The following ARSG variants were observed in gnomAD, a reference collection of about 807,000 sequenced individuals.
The protein encoded by ARSG is ASG.
In ARSG, 37 loss-of-function variants were observed where a neutral mutation model predicts 50.5. The ratio of observed to expected loss-of-function variants is 0.73; its 90% CI spans 0.56 to 0.96. The LOEUF (loss-of-function observed/expected upper bound fraction) is 0.96, where lower values mean the gene tolerates loss of function less well. ARSG is among the 50% of genes least tolerant of loss of function. The pLI, the probability that ARSG is intolerant of heterozygous loss-of-function variation, is 0.00. For synonymous variants in ARSG, 225 were observed against 254.6 expected, an observed-to-expected ratio of 0.88 and a Z score of 1.11; for missense variants, 629 against 675.3, an observed-to-expected ratio of 0.93 and a Z score of 0.76.
chr17:68,356,177 T>C (rs11655154), intron 5 of ARSG, among the ~76,000 whole-genome samples: 1,612 of 152,332 alleles, frequency 0.011, 23 homozygotes, highest in South Asian at 0.049. Context: ...CCACTGCACC[T>C]GGCCCATCTT....
chr17:68,427,306 T>G, downstream of ARSG: 5 of 1,334,938 alleles, frequency 3.7e-6, no homozygotes, highest in Non-Finnish European at 5.4e-6. Context: ...ATCATATATC[T>G]AGGACACCTT....
chr17:68,446,468 T>A, the ARSG span, among the ~76,000 whole-genome samples: 1 of 152,120 alleles, frequency 6.6e-6, no homozygotes, highest in East Asian at 1.9e-4. Context: ...AAGCATGAGC[T>A]ACTGTGCCCA....
chr17:68,325,595 G>GT (rs2077473604), intron 2 of ARSG, among the ~76,000 whole-genome samples: 1 of 152,142 alleles, frequency 6.6e-6, no homozygotes, highest in Non-Finnish European at 1.5e-5. Flanking sequence ...CTCTCTGGTT[G>GT]TAAGTGACGG....
chr17:68,356,398 A>G (rs1289295173), intron 5 of ARSG, among the ~76,000 whole-genome samples: 2 of 152,214 alleles, frequency 1.3e-5, no homozygotes, highest in East Asian at 3.9e-4. Flanking sequence ...AAATGCAAGT[A>G]ATAAAAAATA....
intron 11 of ARSG, among the ~76,000 whole-genome samples, chr17:68,417,118 T>G (rs1017418809): frequency 2.0e-5 from 3 of 152,162 alleles, no homozygotes; most frequent in African/African-American, 7.2e-5. Context: ...TTATTAAGTC[T>G]TAGTAGTTTT....
chr17:68,345,851 A>G (rs2078477701), intron 3 of ARSG, among the ~76,000 whole-genome samples: 1 of 152,122 alleles, frequency 6.6e-6, no homozygotes, highest in South Asian at 2.1e-4. Flanking sequence ...CAAATATTTC[A>G]CATAATGCTT....
chr17:68,260,855 G>GA (rs778391512), intron 1 of ARSG, among the ~76,000 whole-genome samples: 66 of 150,794 alleles, frequency 4.4e-4, no homozygotes, highest in Non-Finnish European at 8.7e-4. Flanking sequence ...AAGCATTATG[G>GA]AAAAAAAAAG....
intron 9 of ARSG, among the ~76,000 whole-genome samples, chr17:68,385,557 CGAGGG>C (rs1303555866): frequency 2.5e-4 from 6 of 24,176 alleles, no homozygotes; most frequent in East Asian, 1.6e-3. Context: ...AGAGGGGAGG[CGAGGG>C]GAGGGGAGGG....
Position 68,277,265 on chromosome 17 carries a change from GGAT to G in ARSG, c.-552+17840_-552+17842del, listed in dbSNP as rs372823393. On this transcript the variant is annotated intron_variant, in intron 1 of 11. Coordinates refer to the ARSG transcript ENST00000448504. Reference sequence around the variant, plus strand: ...TCCTACCTCAGCCTCCTGAGTGCTGGGATTACAGGCACATACCACCATGCCCAG... The same window carrying G: ...TCCTACCTCAGCCTCCTGAGTGCTGGTACAGGCACATACCACCATGCCCAG... Among the ~76,000 whole-genome samples the G allele has an allele frequency of 3.5e-4, 53 of 151,584 alleles. No homozygotes were observed. In the South Asian group the frequency reaches 7.8e-3, roughly 22 times the overall value.
the ARSG span, among the ~76,000 whole-genome samples, chr17:68,437,507 T>C: frequency 6.6e-6 from 1 of 151,316 alleles, no homozygotes; most frequent in Admixed American, 6.6e-5. Flanking sequence ...TGAGTGAAGA[T>C]AGTGCCACTG....
chr17:68,293,637 A>G (rs898543883), intron 1 of ARSG, among the ~76,000 whole-genome samples: 4 of 152,206 alleles, frequency 2.6e-5, no homozygotes, highest in Non-Finnish European at 4.4e-5. Flanking sequence ...TGTTAACCGC[A>G]TCAGTAACCT....
chr17:68,366,045 T>C (rs1599897934), intron 6 of ARSG, among the ~76,000 whole-genome samples: 1 of 152,082 alleles, frequency 6.6e-6, no homozygotes, highest in African/African-American at 2.4e-5. Context: ...CAAGTGGTTC[T>C]CCCTGCCTCA....
intron 2 of ARSG, among the ~76,000 whole-genome samples, chr17:68,314,584 G>C (rs1392828808): frequency 6.6e-6 from 1 of 151,266 alleles, no homozygotes; most frequent in African/African-American, 2.4e-5. Flanking sequence ...TTGCACATCT[G>C]TGGTCCCAGC....
the ARSG span, among the ~76,000 whole-genome samples, chr17:68,430,702 G>A: frequency 6.6e-6 from 1 of 152,294 alleles, no homozygotes; most frequent in South Asian, 2.1e-4. Context: ...AAGGGACCTG[G>A]GATGTCGCCT....
chr17:68,403,161 T>C (rs1227532723), intron 11 of ARSG, among the ~76,000 whole-genome samples: 1 of 152,110 alleles, frequency 6.6e-6, no homozygotes, highest in African/African-American at 2.4e-5. Flanking sequence ...TAAAACTCAG[T>C]CAGATATTTG....
rs58760851 is a variant in ARSG at position 68,323,036 on chromosome 17, G to GCTCTCT, written c.218+15340_218+15345dup. 4.1e-5 allele frequency among the ~76,000 whole-genome samples: 6 copies of GCTCTCT among 147,560 alleles called. No homozygotes were observed. The East Asian group carries it at 9.9e-4, about 24-fold the overall frequency. On this transcript the variant is annotated intron_variant, in intron 2 of 11. Coordinates refer to ENST00000621439, the MANE Select transcript of ARSG (RefSeq NM_001267727.2). ...AATAATAATAAATTAATAAGAGAGG[G>GCTCTCT]CTCTCTCTCTCTCTCTCTCTGATGT...
chr17:68,298,680 T>C (rs1322736856), intron 1 of ARSG, among the ~76,000 whole-genome samples: 2 of 150,034 alleles, frequency 1.3e-5, no homozygotes, highest in Non-Finnish European at 3.0e-5. Flanking sequence ...ACAACAGAAA[T>C]TTATTGTTTA....
At chr17:68,408,268 TC>T (rs2081831719) in intron 11 of ARSG, among the ~76,000 whole-genome samples, 2 of 82,676 alleles carry the variant, frequency 2.4e-5, no homozygotes, top group Non-Finnish European at 4.5e-5. Context: ...ATGCTATCCC[TC>T]CCCCCTCCCC....
chr17:68,390,615 C>A lies in ARSG; in HGVS notation c.1092-4458C>A, dbSNP rs767486397. Among the ~76,000 whole-genome samples, 83 of 152,066 alleles carry A rather than the reference C, an allele frequency of 5.5e-4. 1 individual carries two copies. The highest frequency in any genetic ancestry group is 6.6e-4 in the Non-Finnish European group (45 of 67,994). On this transcript the variant is annotated intron_variant, in intron 9 of 11. Coordinates refer to ENST00000621439, the MANE Select transcript of ARSG (RefSeq NM_001267727.2). The stretch of plus-strand genomic sequence containing the variant: ...GACCCATGAGGCATAGTGCCAGAGT[C>A]CATGGAATTTTGGAATTTTTTTTTT...
Sources: allele counts gnomAD v4.1 joint callset (sites outside exome capture counted in the v4.1 genomes callset), GRCh38; gene constraint gnomAD v4.1.1; transcripts MANE v1.5; gene names NCBI Gene and HGNC (gene_info 2026-07-23, HGNC 2026-07-21).